LPAR3: variants seen among roughly 807,000 people sequenced by gnomAD.
LPAR3 encodes the protein LPA receptor 3.
A neutral mutation model predicts 17.8 loss-of-function variants in LPAR3; 7 were observed. The observed-to-expected ratio is 0.39, with a 90% CI of 0.22 to 0.74. The LOEUF (loss-of-function observed/expected upper bound fraction) is 0.74, where lower values mean the gene tolerates loss of function less well. LPAR3 is among the 30% of genes least tolerant of loss of function. The pLI is 0.40. For synonymous variants in LPAR3, 179 were observed against 179.9 expected (o/e 0.99, Z 0.04); for missense variants, 391 against 453.4 (o/e 0.86, Z 1.25).
intron 1 of LPAR3, among the ~76,000 whole-genome samples, chr1:84,886,414 T>A (rs561143362): frequency 1.1e-4 from 16 of 152,270 alleles, no homozygotes; most frequent in African/African-American, 3.9e-4. Flanking sequence ...GAGTCCTAGC[T>A]ACTTGGGAGG....
At chr1:84,836,006 C>CTTTTTTTT (rs34491570) in intron 2 of LPAR3, among the ~76,000 whole-genome samples, 5 of 61,760 alleles carry the variant, frequency 8.1e-5, no homozygotes, top group Non-Finnish European at 1.1e-4. Flanking sequence ...CAACCCCGGC[C>CTTTTTTTT]TTTTTTTTTT....
intron 2 of LPAR3, among the ~76,000 whole-genome samples, chr1:84,853,331 T>G (rs539924768): frequency 6.6e-6 from 1 of 152,152 alleles, no homozygotes; most frequent in East Asian, 1.9e-4. Context: ...CCTGTGCAGG[T>G]GGACTCAGAT....
intron 2 of LPAR3, among the ~76,000 whole-genome samples, chr1:84,861,222 T>G (rs1237191088): frequency 6.6e-6 from 1 of 152,224 alleles, no homozygotes; most frequent in Non-Finnish European, 1.5e-5. Flanking sequence ...CTGTTGATTT[T>G]TCTAATATAC....
intron 2 of LPAR3, among the ~76,000 whole-genome samples, chr1:84,841,637 T>C (rs145324260): frequency 6.8e-4 from 103 of 152,338 alleles, no homozygotes; most frequent in African/African-American, 2.4e-3. Flanking sequence ...TTCCCTCTTC[T>C]ATGGTAACTG....
chr1:84,846,409 A>T (rs768176876), intron 2 of LPAR3, among the ~76,000 whole-genome samples: 3 of 152,182 alleles, frequency 2.0e-5, no homozygotes, highest in Non-Finnish European at 4.4e-5. Flanking sequence ...TCCAATTCAG[A>T]TTGGTGACAT....
chr1:84,820,361 G>C (rs1455947732), intron 2 of LPAR3, among the ~76,000 whole-genome samples: 1 of 152,204 alleles, frequency 6.6e-6, no homozygotes, highest in African/African-American at 2.4e-5. Flanking sequence ...GAATGTGACT[G>C]AAATTTATTA....
chr1:84,839,886 T>C (rs527490797), intron 2 of LPAR3, among the ~76,000 whole-genome samples: 44 of 152,292 alleles, frequency 2.9e-4, no homozygotes, highest in African/African-American at 1.0e-3. Flanking sequence ...TAAATATCCA[T>C]AGAGTGCTTA....
Position 84,813,752 on chromosome 1 carries a change from T to C in LPAR3, c.*94A>G. On this transcript the variant is annotated 3_prime_UTR_variant, in exon 3 of 3. Transcript: ENST00000370611. ...AGCAGTGATTAATGGAGACCTCAAA[T>C]AACACTGTACATGGGCTTTGTTAGA... The C allele has an allele frequency of 2.8e-6, 3 of 1,053,504 alleles. No homozygotes were observed. The highest frequency in any genetic ancestry group is 4.1e-6 in the Non-Finnish European group (3 of 732,430). 65.3% of individuals were successfully genotyped at this position (1,053,504 alleles called of 1,614,324 possible).
chr1:84,819,163 G>GA (rs1220316565), intron 2 of LPAR3, among the ~76,000 whole-genome samples: 3 of 152,182 alleles, frequency 2.0e-5, no homozygotes, highest in African/African-American at 7.2e-5. Context: ...ATATAGAAAG[G>GA]ACTCTTCACA....
chr1:84,853,762 A>C (rs918912021), intron 2 of LPAR3, among the ~76,000 whole-genome samples: 2 of 150,886 alleles, frequency 1.3e-5, no homozygotes, highest in Non-Finnish European at 3.0e-5. Flanking sequence ...TCTCCAACCC[A>C]CCTCTCATCT....
At chr1:84,889,926 T>C (rs950901986) in intron 1 of LPAR3, among the ~76,000 whole-genome samples, 8 of 152,202 alleles carry the variant, frequency 5.3e-5, no homozygotes, top group African/African-American at 1.4e-4. Context: ...TTATCCCCAC[T>C]ATATAAATGA....
intron 1 of LPAR3, among the ~76,000 whole-genome samples, chr1:84,891,901 G>T (rs912766682): frequency 6.6e-6 from 1 of 152,088 alleles, no homozygotes; most frequent in African/African-American, 2.4e-5. Flanking sequence ...GAAACATTTC[G>T]TGGAAATTAC....
intron 2 of LPAR3, among the ~76,000 whole-genome samples, chr1:84,822,902 G>A (rs943265095): frequency 6.6e-6 from 1 of 152,122 alleles, no homozygotes; most frequent in Admixed American, 6.6e-5. Context: ...AAACAATCAC[G>A]TAGAATACTC....
At position 84,819,940 on chromosome 1, in the gene LPAR3, C is replaced by G. The variant is rs376902113; in HGVS notation, c.737-5769G>C. On this transcript the variant is annotated intron_variant, in intron 2 of 2. Transcript: ENST00000370611. ...CTTTCTACCTATAGCATTCACGTGG[C>G]ACTGGGCACATTACCTGCTTAATTC... Among the ~76,000 whole-genome samples, 11 of 152,324 alleles carry G rather than the reference C, an allele frequency of 7.2e-5. No individual in the cohort carries two copies. The East Asian group carries it at 1.9e-3, about 27-fold the overall frequency.
intron 1 of LPAR3, among the ~76,000 whole-genome samples, chr1:84,867,555 T>G (rs1295537200): frequency 6.6e-6 from 1 of 151,752 alleles, no homozygotes; most frequent in Non-Finnish European, 1.5e-5. Flanking sequence ...TTTTTTTAAT[T>G]TATATTTTAA....
chr1:84,872,099 C>A (rs952457795), intron 1 of LPAR3, among the ~76,000 whole-genome samples: 5 of 152,094 alleles, frequency 3.3e-5, no homozygotes, highest in African/African-American at 1.2e-4. Flanking sequence ...TGAAGTTATG[C>A]TTAGGAAGGC....
intron 1 of LPAR3, among the ~76,000 whole-genome samples, chr1:84,877,670 G>A (rs1031158776): frequency 3.3e-5 from 5 of 152,124 alleles, no homozygotes; most frequent in Non-Finnish European, 7.3e-5. Flanking sequence ...ATGTTACATT[G>A]ATGCTCCTAA....
intron 1 of LPAR3, among the ~76,000 whole-genome samples, chr1:84,876,865 G>GGAATATATCA (rs1660270134): frequency 6.6e-6 from 1 of 152,098 alleles, no homozygotes; most frequent in Non-Finnish European, 1.5e-5. Context: ...ATTCCCAAGG[G>GGAATATATCA]CATGGACCAG....
intron 1 of LPAR3, among the ~76,000 whole-genome samples, chr1:84,885,425 G>A (rs1293630557): frequency 6.6e-6 from 1 of 152,222 alleles, no homozygotes; most frequent in Non-Finnish European, 1.5e-5. Flanking sequence ...TAACATGTTG[G>A]TGAGAATGTA....
Sources: gnomAD v4.1 joint callset for allele counts (sites outside exome capture counted in the v4.1 genomes callset) on GRCh38, gnomAD v4.1.1 for gene constraint, MANE v1.5 for transcripts, NCBI Gene and HGNC (gene_info 2026-07-23, HGNC 2026-07-21) for gene names.